DNAJB13: variants seen among roughly 807,000 people sequenced by gnomAD.
DNAJB13 encodes the protein dnaJ homolog subfamily B member 13.
In DNAJB13, 22 loss-of-function variants were observed where a neutral mutation model predicts 35.6. The observed-to-expected ratio is 0.62, with a 90% confidence interval of 0.44 to 0.88. DNAJB13 has a LOEUF of 0.88. DNAJB13 is among the 40% of genes least tolerant of loss of function. DNAJB13 has a pLI of 0.00. For missense variants in DNAJB13, 370 were observed against 384.3 expected (o/e 0.96, Z 0.31); for synonymous variants, 136 against 144.2 (o/e 0.94, Z 0.41).
Position 73,969,973 on chromosome 11 carries a change from C to A in DNAJB13, c.810C>A (p.Phe270Leu). 1 of 1,609,832 alleles carries A rather than the reference C, an allele frequency of 6.2e-7. No individual in the cohort carries two copies. The change falls in exon 8 of 8, where the codon TTC becomes TTA. Residue 270 changes from phenylalanine (F) to leucine (L), a missense_variant. Coordinates refer to ENST00000339764, the MANE Select transcript of DNAJB13 (RefSeq NM_153614.4). ...CATCCTATTTCAGCCCCAAATACTT[C>A]AAGAAGGTGCCAGGGGAGGGGATGC... The part of the protein sequence containing the change: ...PINDIIHPKY[F>L]KKVPGEGMPL...
intron 1 of DNAJB13, among the ~76,000 whole-genome samples, chr11:73,955,865 T>A (rs1233776843): frequency 6.6e-6 from 1 of 152,182 alleles, no homozygotes; most frequent in Non-Finnish European, 1.5e-5. Flanking sequence ...TTTGGAAGGC[T>A]GTGACAATTG....
At chr11:73,956,815 A>G (rs1246640106) in intron 1 of DNAJB13, among the ~76,000 whole-genome samples, 2 of 151,766 alleles carry the variant, frequency 1.3e-5, no homozygotes, top group African/African-American at 4.8e-5. Flanking sequence ...AAAAAAAAAA[A>G]AAAAAAAAGT....
chr11:73,953,657 C>T (rs1191438446), intron 1 of DNAJB13, among the ~76,000 whole-genome samples: 4 of 152,122 alleles, frequency 2.6e-5, no homozygotes, highest in African/African-American at 9.7e-5. Flanking sequence ...TTTTTAACTA[C>T]TGGGTTTAGG....
At chr11:73,955,561 G>T (rs1379803403) in intron 1 of DNAJB13, among the ~76,000 whole-genome samples, 1 of 151,730 alleles carries the variant, frequency 6.6e-6, no homozygotes. Context: ...TGCCTGCCTC[G>T]GCCTCCCAAA....
intron 1 of DNAJB13, 69 bp downstream of exon 1, chr11:73,951,206 C>G (rs976066261): frequency 2.8e-5 from 44 of 1,581,582 alleles, no homozygotes; most frequent in Non-Finnish European, 3.6e-5. Context: ...TCTTCCAAAA[C>G]GAGCTTTCCT....
chr11:73,958,831 A>G (rs568944786), intron 2 of DNAJB13, among the ~76,000 whole-genome samples: 37 of 152,294 alleles, frequency 2.4e-4, no homozygotes, highest in African/African-American at 6.7e-4. Context: ...CCATTTCCCC[A>G]GGGCCAGCAA....
chr11:73,968,683 C>T (rs1367097938), intron 6 of DNAJB13, among the ~76,000 whole-genome samples: 1 of 152,194 alleles, frequency 6.6e-6, no homozygotes, highest in Non-Finnish European at 1.5e-5. Flanking sequence ...TTCTCATCTC[C>T]TCCAGGCTCT....
At position 73,965,748 on chromosome 11, in the gene DNAJB13, C is replaced by T. The variant is rs142236534; in HGVS notation, c.493-390C>T. The T allele has an allele frequency of 1.4e-3, 264 of 183,816 alleles. 2 individuals carry two copies. The highest frequency in any genetic ancestry group is 5.9e-3 in the African/African-American group (250 of 42,628). The allele number at this position is 183,816 out of a possible 1,614,324, so 11.4% of individuals were successfully genotyped here. ...AAGAGACTTGCTGGAGGCTCAGGGCCGGGCCTCTGGGATTTGGAGAGAGGA... is the reference window on the plus strand; with the variant it reads ...AAGAGACTTGCTGGAGGCTCAGGGCTGGGCCTCTGGGATTTGGAGAGAGGA... On this transcript the variant is annotated intron_variant, in intron 4 of 7. Transcript: ENST00000339764.
intron 3 of DNAJB13, among the ~76,000 whole-genome samples, chr11:73,960,324 AC>A (rs931063444): frequency 6.6e-6 from 1 of 152,002 alleles, no homozygotes; most frequent in Admixed American, 6.6e-5. Context: ...GATTACAGGC[AC>A]CCACCACCAC....
intron 4 of DNAJB13, 40 bp from the exon 5 acceptor site, chr11:73,966,098 G>C: frequency 6.4e-7 from 1 of 1,574,548 alleles, no homozygotes; most frequent in African/African-American, 1.3e-5. Context: ...ACTCATGGAA[G>C]TCCTAAGCAG....
chr11:73,966,042 A>T, intron 4 of DNAJB13, 96 bp from the exon 5 acceptor site: 2 of 1,138,096 alleles, frequency 1.8e-6, no homozygotes, highest in Non-Finnish European at 2.6e-6. Flanking sequence ...TCACGTGTGC[A>T]AAGGTCACCT....
At chr11:73,953,994 AT>A (rs1417368228) in intron 1 of DNAJB13, among the ~76,000 whole-genome samples, 13 of 118,484 alleles carry the variant, frequency 1.1e-4, no homozygotes, top group African/African-American at 4.4e-4. Context: ...CTCAAAAATA[AT>A]AATAAAATAA....
chr11:73,966,409 A>G (rs1434830934), intron 5 of DNAJB13, among the ~76,000 whole-genome samples, 158 bp downstream of exon 5: 1 of 152,076 alleles, frequency 6.6e-6, no homozygotes, highest in Non-Finnish European at 1.5e-5. Flanking sequence ...TGGGATCCCT[A>G]ATGTTCCTTC....
intron 1 of DNAJB13, among the ~76,000 whole-genome samples, chr11:73,953,989 AAATAATAATAAAATAATAAT>A (rs1950655480): frequency 8.0e-6 from 1 of 125,686 alleles, no homozygotes; most frequent in East Asian, 2.2e-4. Context: ...TCTGTCTCAA[AAATAATAATAAAATAATAAT>A]AATAATAATA....
rs185714513 is a variant in DNAJB13, at chr11:73,968,163, G to T, written c.607-182G>T. 2,757 of 613,954 alleles carry T rather than the reference G, an allele frequency of 4.5e-3. 60 individuals are homozygous for T. The African/African-American group carries it at 0.047, about 10-fold the overall frequency. 38.0% of individuals were successfully genotyped at this position (613,954 alleles called of 1,614,324 possible). A position where few individuals can be genotyped will look rare whatever the true frequency, so the allele number is the denominator to read the frequency against. On this transcript the variant is annotated intron_variant, in intron 5 of 7. Coordinates refer to ENST00000339764, the MANE Select transcript of DNAJB13 (RefSeq NM_153614.4). ...AGTAATTCTGGGGGGATTCATTTGG[G>T]TAAGCTTCTCGGGCTTCTAATCCAT... is the stretch of plus-strand genomic sequence containing the variant.
At chr11:73,963,864 A>AGG (rs945982614) in intron 3 of DNAJB13, 31 of 152,166 alleles carry the variant, frequency 2.0e-4, no homozygotes, top group African/African-American at 7.5e-4. Context: ...ACAGCTTATG[A>AGG]GGGGCTTCCA....
At chr11:73,954,000 AAATAATAATAATAATAATAATAATAAT>A (rs71467812) in intron 1 of DNAJB13, among the ~76,000 whole-genome samples, 2 of 136,472 alleles carry the variant, frequency 1.5e-5, no homozygotes, top group African/African-American at 5.5e-5. Context: ...AATAATAATA[AAATAATAATAATAATAATAATAATAAT>A]AATAATAATA....
At chr11:73,951,965 T>A (rs1376839744) in intron 1 of DNAJB13, among the ~76,000 whole-genome samples, 3 of 151,932 alleles carry the variant, frequency 2.0e-5, no homozygotes, top group Non-Finnish European at 4.4e-5. Context: ...TTTTTTTTTT[T>A]AACAAATATT....
At chr11:73,968,564 T>G in intron 6 of DNAJB13, 106 bp downstream of exon 6, 1 of 888,224 alleles carries the variant, frequency 1.1e-6, no homozygotes, top group Non-Finnish European at 1.8e-6. Flanking sequence ...CATCAGTCAC[T>G]AAGCCCTGTG....
Sources: gnomAD v4.1 joint callset for allele counts (sites outside exome capture counted in the v4.1 genomes callset) on GRCh38, gnomAD v4.1.1 for gene constraint, MANE v1.5 for transcripts, NCBI Gene and HGNC (gene_info 2026-07-23, HGNC 2026-07-21) for gene names.